Variants in EMB observed in about 807,000 individuals in gnomAD.
EMB encodes embigin homolog.
EMB carries 31 observed loss-of-function variants against 41.4 expected under a neutral mutation model. That is an observed-to-expected ratio of 0.75 (90% CI 0.56 to 1.01). The LOEUF is 1.01. Among genes scored for constraint, EMB ranks in the 50% least tolerant of loss-of-function variants. EMB has a pLI of 0.00. For synonymous variants in EMB, 137 were observed against 140.4 expected, an observed-to-expected ratio of 0.98 and a Z score of 0.17; for missense variants, 379 against 388.3, an observed-to-expected ratio of 0.98 and a Z score of 0.20.
At chr5:50,429,971 TCTCTCTCTCTCTC>T (rs1561139887) in intron 1 of EMB, among the ~76,000 whole-genome samples, 27,343 of 134,012 alleles carry the variant, frequency 0.2, 2,702 homozygotes, top group East Asian at 0.32. Context: ...ACTCTCTTTC[TCTCTCTCTCTCTC>T]TCTCTCTCTC....
intron 1 of EMB, among the ~76,000 whole-genome samples, chr5:50,433,455 A>G (rs1460917847): frequency 6.6e-6 from 1 of 152,222 alleles, no homozygotes; most frequent in Non-Finnish European, 1.5e-5. Flanking sequence ...ACTTATGCCA[A>G]ATAAAAACTT....
At position 50,429,522 on chromosome 5, in the gene EMB, G is replaced by A. The variant is rs144513276; in HGVS notation, c.113-1295C>T. The stretch of plus-strand genomic sequence containing the variant: ...TTACAATATCGCCTAGTAAAATAAC[G>A]TACCTAGCAGAACCTAACTCTCCAA... On this transcript the variant is annotated intron_variant, in intron 1 of 8. Coordinates refer to ENST00000303221, the MANE Select transcript of EMB (RefSeq NM_198449.3). Among the ~76,000 whole-genome samples, 788 of 152,122 alleles carry A rather than the reference G, an allele frequency of 5.2e-3. 1 individual carries two copies. Among genetic ancestry groups the A allele is most frequent in the Middle Eastern group, 0.024 (7 of 294 alleles).
At chr5:50,433,224 C>G (rs929164402) in intron 1 of EMB, among the ~76,000 whole-genome samples, 4 of 152,018 alleles carry the variant, frequency 2.6e-5, no homozygotes, top group Admixed American at 6.6e-5. Context: ...GGACAAGAAG[C>G]CTTTACAGAC....
chr5:50,412,348 C>T (rs2111798999), intron 2 of EMB, among the ~76,000 whole-genome samples: 1 of 151,992 alleles, frequency 6.6e-6, no homozygotes, highest in African/African-American at 2.4e-5. Flanking sequence ...ATTTGAGTTC[C>T]TAAAATAGCT....
chr5:50,410,829 A>G, intron 4 of EMB, 48 bp downstream of exon 4: 1 of 1,129,434 alleles, frequency 8.9e-7, no homozygotes, highest in Non-Finnish European at 1.3e-6. Flanking sequence ...GAAATCTAAG[A>G]ACATAATGCT....
intron 2 of EMB, among the ~76,000 whole-genome samples, chr5:50,423,375 C>T (rs1745557679): frequency 6.6e-6 from 1 of 152,128 alleles, no homozygotes; most frequent in Non-Finnish European, 1.5e-5. Flanking sequence ...ACTCATCAGT[C>T]ACATTTTTTA....
chr5:50,421,846 G>A (rs192567648), intron 2 of EMB, among the ~76,000 whole-genome samples: 375 of 143,900 alleles, frequency 2.6e-3, no homozygotes, highest in African/African-American at 9.0e-3. Context: ...ACTGAACAAT[G>A]AGAACACATG....
chr5:50,421,297 C>T lies in EMB; in HGVS notation c.196+6847G>A, dbSNP rs543833795. Among the ~76,000 whole-genome samples the T allele has an allele frequency of 3.9e-5, 6 of 152,168 alleles. No individual in the cohort carries two copies. In the South Asian group the frequency reaches 1.0e-3, roughly 26 times the overall value. On this transcript the variant is annotated intron_variant, in intron 2 of 8. Coordinates refer to ENST00000303221, the MANE Select transcript of EMB (RefSeq NM_198449.3). ...CAGCCAAAAGACACATGAAAAAATG[C>T]TCATCATCACTGGCCATCAGAGAAA...
At chr5:50,441,327 C>T (rs956263404), upstream of EMB, 4 of 392,048 alleles carry the variant, frequency 1.0e-5, no homozygotes, top group Non-Finnish European at 9.0e-6. Context: ...CCCCACTCCC[C>T]CGAGACGCTC....
intron 2 of EMB, among the ~76,000 whole-genome samples, chr5:50,426,939 C>G (rs1433977056): frequency 6.6e-6 from 1 of 151,020 alleles, no homozygotes; most frequent in East Asian, 1.9e-4. Flanking sequence ...AAGCACCTGC[C>G]CGGGGCTAAT....
intron 7 of EMB, among the ~76,000 whole-genome samples, chr5:50,400,531 G>A (rs1348598348): frequency 6.6e-6 from 1 of 151,608 alleles, no homozygotes; most frequent in African/African-American, 2.4e-5. Flanking sequence ...GAAATCCCAC[G>A]AGTGCTTGTT....
At chr5:50,427,751 A>T (rs1270190195) in intron 2 of EMB, among the ~76,000 whole-genome samples, 1 of 152,118 alleles carries the variant, frequency 6.6e-6, no homozygotes, top group East Asian at 1.9e-4. Context: ...ACAGTGACTC[A>T]TTTGATATCA....
At chr5:50,424,402 T>C (rs995472743) in intron 2 of EMB, among the ~76,000 whole-genome samples, 3 of 152,166 alleles carry the variant, frequency 2.0e-5, no homozygotes, top group Non-Finnish European at 4.4e-5. Flanking sequence ...TTCTCTGATA[T>C]GTGCTTTATT....
chr5:50,439,357 G>A (rs1745857390), intron 1 of EMB, among the ~76,000 whole-genome samples: 1 of 151,924 alleles, frequency 6.6e-6, no homozygotes, highest in Non-Finnish European at 1.5e-5. Flanking sequence ...TGTCACCCAG[G>A]CTGGAGCTTA....
At position 50,396,891 on chromosome 5, in the gene EMB, TATTA is replaced by T. The variant is rs1156694187; in HGVS notation, c.*2378_*2381del. On this transcript the variant is annotated 3_prime_UTR_variant, in exon 9 of 9. Coordinates refer to ENST00000303221, the MANE Select transcript of EMB (RefSeq NM_198449.3). ...GGAGCAGGGATTCATGACCCATAAG[TATTA>T]ATTAATACAGAAGAAGAAAATATCA... 3 of 152,062 alleles carry T rather than the reference TATTA, an allele frequency of 2.0e-5. No individual in the cohort carries two copies. Among genetic ancestry groups the T allele is most frequent in the African/African-American group, 4.8e-5 (2 of 41,416 alleles). 9.4% of individuals were successfully genotyped at this position (152,062 alleles called of 1,614,324 possible). A position where few individuals can be genotyped will look rare whatever the true frequency, so the allele number is the denominator to read the frequency against.
chr5:50,403,520 T>TCA, intron 5 of EMB, 66 bp from the exon 6 acceptor site: 1 of 1,523,204 alleles, frequency 6.6e-7, no homozygotes, highest in Non-Finnish European at 8.9e-7. Context: ...ACATAGTTTT[T>TCA]CAGTGAAAGC....
rs1745191523 is a variant in EMB, at chr5:50,403,108, G to C, written c.877+70C>G. ...TATCAAATCATAATCCATATCATAAGTAAATGATACTTATAATTAACTGAT... is the reference window on the plus strand; with the variant it reads ...TATCAAATCATAATCCATATCATAACTAAATGATACTTATAATTAACTGAT... On this transcript the variant is annotated intron_variant, in intron 6 of 8. Transcript: ENST00000303221. 8 of 1,379,058 alleles carry C rather than the reference G, an allele frequency of 5.8e-6. No homozygotes were observed. In the East Asian group the frequency reaches 2.0e-4, roughly 34 times the overall value. 85.4% of individuals were successfully genotyped at this position (1,379,058 alleles called of 1,614,324 possible). A position where few individuals can be genotyped will look rare whatever the true frequency, so the allele number is the denominator to read the frequency against.
At chr5:50,422,457 A>AAACAG (rs1745540443) in intron 2 of EMB, among the ~76,000 whole-genome samples, 1 of 152,212 alleles carries the variant, frequency 6.6e-6, no homozygotes, top group South Asian at 2.1e-4. Flanking sequence ...AACAGTAGAG[A>AAACAG]AACAGAACAG....
At chr5:50,433,995 A>G (rs1745764383) in intron 1 of EMB, among the ~76,000 whole-genome samples, 1 of 152,120 alleles carries the variant, frequency 6.6e-6, no homozygotes, top group Non-Finnish European at 1.5e-5. Flanking sequence ...GTCTCTGTTC[A>G]AATCTCCTTC....
Sources: allele counts gnomAD v4.1 joint callset (sites outside exome capture counted in the v4.1 genomes callset), GRCh38; gene constraint gnomAD v4.1.1; transcripts MANE v1.5; gene names NCBI Gene and HGNC (gene_info 2026-07-23, HGNC 2026-07-21).